The following CRMP1 variants were observed in gnomAD, a reference collection of about 807,000 sequenced individuals.
CRMP1 encodes the protein collapsin response mediator protein 1.
Under a neutral mutation model 68.3 loss-of-function variants are expected in CRMP1, and 19 were observed. That is an observed-to-expected ratio of 0.28 (90% CI 0.19 to 0.41). The LOEUF is 0.41. Ranked by LOEUF, CRMP1 falls within the 10% of genes least tolerant of loss-of-function variation. The pLI is 1.00. For missense variants in CRMP1, 791 were observed against 967.4 expected (o/e 0.82, Z 2.42); for synonymous variants, 439 against 399.6 (o/e 1.10, Z -1.18).
At position 5,855,486 on chromosome 4, in the gene CRMP1, C is replaced by T. The variant is rs1254927670; in HGVS notation, c.820+657G>A. On this transcript the variant is annotated intron_variant, in intron 4 of 13. Transcript: ENST00000324989. The surrounding 1 kb of genome is among the most constrained non-coding windows in gnomAD (Gnocchi z 4.9). ...ATCAGTTCCCCCCAGTTCGATGTAA[C>T]ACACACCATAAAGGTCTACACTGTG... Among the ~76,000 whole-genome samples, 1 of 152,144 alleles carries T rather than the reference C, an allele frequency of 6.6e-6. No homozygotes were observed. Among genetic ancestry groups the T allele is most frequent in the African/African-American group, 2.4e-5 (1 of 41,418 alleles).
chr4:5,846,652 G>A (rs1018097159), intron 6 of CRMP1, among the ~76,000 whole-genome samples: 3 of 150,922 alleles, frequency 2.0e-5, no homozygotes, highest in African/African-American at 7.3e-5. Context: ...GTGTAGTGGC[G>A]TGATCTCATC....
In CRMP1 at chr4:5,855,066, A is replaced by C. The variant is rs1325418203; in HGVS notation, c.820+1077T>G. 6.6e-6 allele frequency among the ~76,000 whole-genome samples: 1 copy of C among 152,240 alleles called. No individual in the cohort carries two copies. The highest frequency in any genetic ancestry group is 1.5e-5 in the Non-Finnish European group (1 of 68,044). On this transcript the variant is annotated intron_variant, in intron 4 of 13. Transcript: ENST00000324989. This position sits in a 1 kb window ranked among gnomAD's most constrained non-coding sequence, Gnocchi z 4.9. ...AGCCATTAAAAAGTTATTGATGAAA[A>C]GTAATTTGACTCATAAAATGTTAAG...
chr4:5,851,959 G>GGAGGAAGAGGAAGAGGAGGAGGAA (rs1346958304), intron 4 of CRMP1, among the ~76,000 whole-genome samples: 1 of 16,248 alleles, frequency 6.2e-5, no homozygotes, highest in Non-Finnish European at 2.5e-4. Context: ...GGGAGAAGAA[G>GGAGGAAGAGGAAGAGGAGGAGGAA]GAGGAAGAGG....
In CRMP1 at chr4:5,841,565, C is replaced by T. The variant is rs540480728; in HGVS notation, c.1033-137G>A. Reference sequence around the variant, plus strand: ...GAGAAGGACATACTGAGTCCAACAGCGCTTGACAGTGCCCCCTGCTCTCCG... The same window carrying T: ...GAGAAGGACATACTGAGTCCAACAGTGCTTGACAGTGCCCCCTGCTCTCCG... On this transcript the variant is annotated intron_variant, in intron 7 of 13. Transcript: ENST00000324989. This position sits in a 1 kb window ranked among gnomAD's most constrained non-coding sequence, Gnocchi z 6.9. 13 of 1,370,078 alleles carry T rather than the reference C, an allele frequency of 9.5e-6. No individual in the cohort carries two copies. The highest frequency in any genetic ancestry group is 5.4e-5 in the South Asian group (4 of 74,726). 84.9% of individuals were successfully genotyped at this position (1,370,078 alleles called of 1,614,324 possible).
intron 2 of CRMP1, among the ~76,000 whole-genome samples, chr4:5,864,056 A>C (rs1713798346): frequency 6.6e-6 from 1 of 152,130 alleles, no homozygotes; most frequent in Non-Finnish European, 1.5e-5. Flanking sequence ...GGGAAACTGC[A>C]TTTTTCCTCA....
At position 5,891,212 on chromosome 4, in the gene CRMP1, A is replaced by ACACC. The variant is rs59152465; in HGVS notation, c.381+1376_381+1377insGGTG. Among the ~76,000 whole-genome samples the ACACC allele has an allele frequency of 3.1e-3, 451 of 147,230 alleles. 2 individuals carry two copies. The highest frequency in any genetic ancestry group is 4.0e-3 in the Non-Finnish European group (268 of 66,788). ...CACACACACACACACACACACACAC[A>ACACC]CCCTTGCTGTTGGACCTCTCCCTCG... On this transcript the variant is annotated intron_variant, in intron 1 of 13. Coordinates refer to ENST00000324989, the MANE Select transcript of CRMP1 (RefSeq NM_001014809.3). This position sits in a 1 kb window ranked among gnomAD's most constrained non-coding sequence, Gnocchi z 5.2.
At chr4:5,824,466 C>T (rs772321358) in intron 13 of CRMP1, 1 of 985,250 alleles carries the variant, frequency 1.0e-6, no homozygotes, top group Non-Finnish European at 1.2e-6. Context: ...ACCACACAAT[C>T]TGAATTCACA....
chr4:5,875,483 A>T (rs1714746624), intron 1 of CRMP1, among the ~76,000 whole-genome samples: 2 of 152,096 alleles, frequency 1.3e-5, no homozygotes, highest in Admixed American at 1.3e-4. Context: ...AACCTTGGCT[A>T]TCTGAAAAAT....
chr4:5,839,812 A>G (rs775050659), intron 8 of CRMP1, 134 bp from the exon 9 acceptor site: 2 of 1,071,596 alleles, frequency 1.9e-6, no homozygotes, highest in Admixed American at 5.7e-5. Context: ...CCGTTCTTGC[A>G]GGCATCACCG....
At chr4:5,832,647 T>G (rs1720458346) in intron 11 of CRMP1, among the ~76,000 whole-genome samples, 1 of 152,182 alleles carries the variant, frequency 6.6e-6, no homozygotes, top group South Asian at 2.1e-4. Context: ...GACAAAATCC[T>G]TTGGTCAAAC....
intron 11 of CRMP1, among the ~76,000 whole-genome samples, chr4:5,832,636 A>G (rs762130236): frequency 4.6e-5 from 7 of 152,214 alleles, no homozygotes; most frequent in Non-Finnish European, 1.0e-4. Flanking sequence ...AAAATGAAAC[A>G]GACAAAATCC....
At position 5,825,621 on chromosome 4, in the gene CRMP1, G is replaced by A. The variant is rs192085983; in HGVS notation, c.1842C>T (p.Asp614=). ...TAGCTGGTACCTCGTACACAGGACC[G>A]TCATACATGCCCCTGGAAACCCCTT... ...GLQGVSRGMY[D]GPVYEVPATP... The change falls in exon 13 of 14, where the codon GAC becomes GAT. Residue 614 remains aspartate, a synonymous_variant. Transcript: ENST00000324989. This position sits in a 1 kb window ranked among gnomAD's most constrained non-coding sequence, Gnocchi z 4.4. 84 of 1,608,150 alleles carry A rather than the reference G, an allele frequency of 5.2e-5. No individual in the cohort carries two copies. In the Admixed American group the frequency reaches 6.5e-4, roughly 12 times the overall value.
At chr4:5,869,884 G>A (rs1714322481) in intron 1 of CRMP1, among the ~76,000 whole-genome samples, 1 of 152,004 alleles carries the variant, frequency 6.6e-6, no homozygotes, top group South Asian at 2.1e-4. Flanking sequence ...GGCTAGCACT[G>A]TGGGCAACCA....
In CRMP1 at chr4:5,859,910, G is replaced by A. The variant is rs138541514; in HGVS notation, c.655+1116C>T. On this transcript the variant is annotated intron_variant, in intron 3 of 13. Transcript: ENST00000324989. The surrounding 1 kb of genome is among the most constrained non-coding windows in gnomAD (Gnocchi z 5.2). ...GCTTACAGACAGGCCTCCTGAAACCGAAGAGCCTAACAGTTGAAAGAACAT... is the reference window on the plus strand; with the variant it reads ...GCTTACAGACAGGCCTCCTGAAACCAAAGAGCCTAACAGTTGAAAGAACAT... 1.3e-5 allele frequency among the ~76,000 whole-genome samples: 2 copies of A among 152,270 alleles called. No individual in the cohort carries two copies. The highest frequency in any genetic ancestry group is 1.9e-4 in the East Asian group (1 of 5,170).
Position 5,861,336 on chromosome 4 carries a change from C to T in CRMP1, c.471-126G>A. ...GGCCCTTCACAAGGCCCTGGGGAGA[C>T]AGAGATAACTCAGGCAGGGCACATG... On this transcript the variant is annotated intron_variant, in intron 2 of 13. Transcript: ENST00000324989. This position sits in a 1 kb window ranked among gnomAD's most constrained non-coding sequence, Gnocchi z 6.0. The T allele has an allele frequency of 2.2e-6, 2 of 928,058 alleles. No individual in the cohort carries two copies. The highest frequency in any genetic ancestry group is 3.3e-6 in the Non-Finnish European group (2 of 614,572). The allele number at this position is 928,058 out of a possible 1,614,324, so 57.5% of individuals were successfully genotyped here.
rs552678665 is a variant in CRMP1, at chr4:5,859,664, C to T, written c.655+1362G>A. On this transcript the variant is annotated intron_variant, in intron 3 of 13. Transcript: ENST00000324989. This position sits in a 1 kb window ranked among gnomAD's most constrained non-coding sequence, Gnocchi z 5.2. Reference sequence around the variant, plus strand: ...AGGTTCAAACCCTGGCCACTGGGATCCAAGTCCAAGTCTAGATCCTCCCAT... The same window carrying T: ...AGGTTCAAACCCTGGCCACTGGGATTCAAGTCCAAGTCTAGATCCTCCCAT... 2.0e-5 allele frequency among the ~76,000 whole-genome samples: 3 copies of T among 152,288 alleles called. No individual in the cohort carries two copies. The East Asian group carries it at 5.8e-4, about 30-fold the overall frequency.
intron 12 of CRMP1, chr4:5,826,014 C>T (rs562533871): frequency 4.9e-5 from 15 of 308,838 alleles, no homozygotes; most frequent in South Asian, 4.6e-4. Context: ...AACACGCACA[C>T]ACACTTAAAT....
rs1404980891 is a variant in CRMP1 at position 5,889,779 on chromosome 4, G to C, written c.381+2810C>G. ...CCCAGCACTGTGGTTGGGGGCTGGG[G>C]CCCTGACCTTCACCACCCCAGGGGC... On this transcript the variant is annotated intron_variant, in intron 1 of 13. Transcript: ENST00000324989. This position sits in a 1 kb window ranked among gnomAD's most constrained non-coding sequence, Gnocchi z 4.5. 1 of 1,530,400 alleles carries C rather than the reference G, an allele frequency of 6.5e-7. No individual in the cohort carries two copies. The highest frequency in any genetic ancestry group is 8.7e-7 in the Non-Finnish European group (1 of 1,142,974). The allele number at this position is 1,530,400 out of a possible 1,614,324, so 94.8% of individuals were successfully genotyped here.
At position 5,821,743 on chromosome 4, in the gene CRMP1, C is replaced by G. The variant is rs755550555; in HGVS notation, c.*17G>C. ...ATTCCCAGAATCCTTCAGGCTAGCTCCTCCGCGCATCCACGTTCAACCGAG... is the reference window on the plus strand; with the variant it reads ...ATTCCCAGAATCCTTCAGGCTAGCTGCTCCGCGCATCCACGTTCAACCGAG... On this transcript the variant is annotated 3_prime_UTR_variant, in exon 14 of 14. Coordinates refer to ENST00000324989, the MANE Select transcript of CRMP1 (RefSeq NM_001014809.3). This position sits in a 1 kb window ranked among gnomAD's most constrained non-coding sequence, Gnocchi z 4.4. The G allele has an allele frequency of 6.3e-7, 1 of 1,596,598 alleles. No homozygotes were observed. Among genetic ancestry groups the G allele is most frequent in the East Asian group, 2.3e-5 (1 of 44,374 alleles).
Sources: gnomAD v4.1 joint callset for allele counts (sites outside exome capture counted in the v4.1 genomes callset) on GRCh38, gnomAD v4.1.1 for gene constraint, Gnocchi (gnomAD v3.1) non-coding constraint, MANE v1.5 for transcripts, NCBI Gene and HGNC (gene_info 2026-07-23, HGNC 2026-07-21) for gene names.